Variants in DNAJC2 observed in about 807,000 individuals in gnomAD.
DNAJC2 encodes the protein DnaJ heat shock protein family (Hsp40) member C2.
In DNAJC2, 32 loss-of-function variants were observed where a neutral mutation model predicts 94.0. The ratio of observed to expected loss-of-function variants is 0.34; its 90% CI spans 0.26 to 0.46. The LOEUF (loss-of-function observed/expected upper bound fraction) is 0.46, where lower values mean the gene tolerates loss of function less well. Among genes scored for constraint, DNAJC2 ranks in the 20% least tolerant of loss-of-function variants. The pLI, the probability that DNAJC2 is intolerant of heterozygous loss-of-function variation, is 1.00. For synonymous variants in DNAJC2, 210 were observed against 229.7 expected, an observed-to-expected ratio of 0.91 and a Z score of 0.77; for missense variants, 550 against 719.5, an observed-to-expected ratio of 0.76 and a Z score of 2.69.
At position 103,312,480 on chromosome 7, in the gene DNAJC2, C is replaced by A; in HGVS notation, c.*89G>T. On this transcript the variant is annotated 3_prime_UTR_variant, in exon 17 of 17. Coordinates refer to ENST00000379263, the MANE Select transcript of DNAJC2 (RefSeq NM_014377.3). Reference sequence around the variant, plus strand: ...AATTATGTTGGAAGCAGCATACTTTCAAATTATTACCATGAGTATAATTTT... The same window carrying A: ...AATTATGTTGGAAGCAGCATACTTTAAAATTATTACCATGAGTATAATTTT... 6.4e-7 allele frequency: 1 copy of A among 1,556,040 alleles called. No individual in the cohort carries two copies. Among genetic ancestry groups the A allele is most frequent in the Non-Finnish European group, 8.6e-7 (1 of 1,157,056 alleles).
At chr7:103,341,373 T>C (rs950362273) in intron 2 of DNAJC2, among the ~76,000 whole-genome samples, 9 of 152,228 alleles carry the variant, frequency 5.9e-5, no homozygotes, top group African/African-American at 2.2e-4. Context: ...TTAAAGACAC[T>C]AGATTTCTCA....
At position 103,315,870 on chromosome 7, in the gene DNAJC2, G is replaced by A; in HGVS notation, c.1530C>T (p.Asp510=). ...IGKAKSLQKL[D]PHQKDDINKK... ...TATTTATGTCATCTTTTTGATGAGGGTCTGAGAAATGAAAAAAATTTAATA... is the reference window on the plus strand; with the variant it reads ...TATTTATGTCATCTTTTTGATGAGGATCTGAGAAATGAAAAAAATTTAATA... Residue 510 remains aspartate (D), a splice_region_variant and synonymous_variant, in exon 15 of 17, where the codon GAC becomes GAT. Transcript: ENST00000379263. The A allele has an allele frequency of 6.2e-7, 1 of 1,605,422 alleles. No individual in the cohort carries two copies. The highest frequency in any genetic ancestry group is 8.5e-7 in the Non-Finnish European group (1 of 1,174,204).
At chr7:103,329,989 G>T (rs1055463818) in intron 3 of DNAJC2, among the ~76,000 whole-genome samples, 8 of 152,088 alleles carry the variant, frequency 5.3e-5, no homozygotes, top group African/African-American at 1.7e-4. Flanking sequence ...TTCACCCCTG[G>T]ATTTTAGGTA....
intron 3 of DNAJC2, among the ~76,000 whole-genome samples, chr7:103,330,381 C>T (rs543604472): frequency 1.2e-4 from 18 of 151,958 alleles, no homozygotes; most frequent in Non-Finnish European, 2.2e-4. Context: ...TTAACCTCCC[C>T]GGCTCAGGTG....
rs551520573 is a variant in DNAJC2 at position 103,322,453 on chromosome 7, G to A, written c.933+58C>T. 16 of 1,373,596 alleles carry A rather than the reference G, an allele frequency of 1.2e-5. No individual in the cohort carries two copies. In the African/African-American group the frequency reaches 1.9e-4, roughly 16 times the overall value. The allele number at this position is 1,373,596 out of a possible 1,614,324, so 85.1% of individuals were successfully genotyped here. A position where few individuals can be genotyped will look rare whatever the true frequency, so the allele number is the denominator to read the frequency against. On this transcript the variant is annotated intron_variant, in intron 9 of 16. Transcript: ENST00000379263. ...TTTAAAAAAAGATGTGAAGATTAAA[G>A]TGAAGATTAAAGATTTCATAAACAT... is the stretch of plus-strand genomic sequence containing the variant.
intron 3 of DNAJC2, among the ~76,000 whole-genome samples, chr7:103,331,663 T>G (rs149171207): frequency 1.3e-5 from 2 of 152,348 alleles, no homozygotes; most frequent in African/African-American, 4.8e-5. Context: ...GACCTCCAGT[T>G]CCATCTATAT....
At chr7:103,320,382 G>A (rs1457817485) in intron 10 of DNAJC2, among the ~76,000 whole-genome samples, 6 of 151,782 alleles carry the variant, frequency 4.0e-5, no homozygotes, top group East Asian at 1.9e-4. Context: ...CACCGCGCCC[G>A]GCTGTTTTTA....
intron 3 of DNAJC2, among the ~76,000 whole-genome samples, chr7:103,330,234 A>G (rs1818909436): frequency 6.7e-6 from 1 of 150,152 alleles, no homozygotes; most frequent in African/African-American, 2.4e-5. Flanking sequence ...GAGAAACTCT[A>G]TGTGTTCATG....
chr7:103,322,434 AAAAG>A (rs1019902103), intron 9 of DNAJC2, 73 bp downstream of exon 9: 1 of 1,311,818 alleles, frequency 7.6e-7, no homozygotes, highest in Non-Finnish European at 1.0e-6. Flanking sequence ...TTTTTTTAAA[AAAAG>A]ATGTGAAGAT....
At chr7:103,314,468 A>C in intron 15 of DNAJC2, 4 of 985,418 alleles carry the variant, frequency 4.1e-6, no homozygotes, top group Non-Finnish European at 4.8e-6. Context: ...CTCTCCTCAC[A>C]GAAAGCAGAC....
Position 103,316,928 on chromosome 7 carries a change from T to G in DNAJC2, c.1329A>C (p.Ser443=), listed in dbSNP as rs770602331. 1.3e-5 allele frequency: 21 copies of G among 1,613,992 alleles called. No individual in the cohort carries two copies. Among genetic ancestry groups the G allele is most frequent in the Non-Finnish European group, 1.8e-5 (21 of 1,180,008 alleles). The change falls in exon 13 of 17, where the codon TCA becomes TCC. Residue 443 remains serine, a synonymous_variant. Transcript: ENST00000379263. The stretch of plus-strand genomic sequence containing the variant: ...TACTTCCATTTCCACCTCCACCAGT[T>G]GATTTCTCTGTGTTCTTAGATGCTT... ...MRQASKNTEK[S]TGGGGNGSKN...
intron 2 of DNAJC2, 126 bp downstream of exon 2, chr7:103,341,638 C>T: frequency 1.3e-6 from 1 of 757,136 alleles, no homozygotes; most frequent in Non-Finnish European, 2.1e-6. Context: ...TAGTAATAAA[C>T]AGATGCTAAA....
At chr7:103,331,396 TATACA>T (rs1452220833) in intron 3 of DNAJC2, among the ~76,000 whole-genome samples, 4 of 152,242 alleles carry the variant, frequency 2.6e-5, no homozygotes, top group African/African-American at 7.2e-5. Flanking sequence ...TATTTTGAAA[TATACA>T]ATACATCATT....
intron 2 of DNAJC2, among the ~76,000 whole-genome samples, chr7:103,340,609 C>T (rs747137774): frequency 2.8e-4 from 42 of 152,214 alleles, no homozygotes; most frequent in Non-Finnish European, 4.1e-4. Context: ...TATCTGGGAA[C>T]TTTCCCAAGG....
rs1272886231 is a variant in DNAJC2 at position 103,337,868 on chromosome 7, C to A, written c.256-57G>T. ...TGAAATGAAGCCAATATATTCCATCCCTTGTGTTCTGGTACCTTAATAAGC... is the reference window on the plus strand; with the variant it reads ...TGAAATGAAGCCAATATATTCCATCACTTGTGTTCTGGTACCTTAATAAGC... On this transcript the variant is annotated intron_variant, in intron 2 of 16. Transcript: ENST00000379263. 6 of 1,272,646 alleles carry A rather than the reference C, an allele frequency of 4.7e-6. No individual in the cohort carries two copies. The Admixed American group carries it at 9.0e-5, about 19-fold the overall frequency. The allele number at this position is 1,272,646 out of a possible 1,614,324, so 78.8% of individuals were successfully genotyped here.
At chr7:103,339,809 C>G (rs1819310361) in intron 2 of DNAJC2, among the ~76,000 whole-genome samples, 1 of 151,890 alleles carries the variant, frequency 6.6e-6, no homozygotes, top group Admixed American at 6.6e-5. Flanking sequence ...TGATTGACCT[C>G]TTTCTGAAGC....
chr7:103,320,216 G>A (rs1818307992), intron 10 of DNAJC2, among the ~76,000 whole-genome samples: 1 of 151,960 alleles, frequency 6.6e-6, no homozygotes, highest in Non-Finnish European at 1.5e-5. Context: ...AGTCTCCTGA[G>A]TAGCTGGAAT....
intron 2 of DNAJC2, among the ~76,000 whole-genome samples, chr7:103,338,732 A>G (rs2116042540): frequency 6.6e-6 from 1 of 151,628 alleles, no homozygotes; most frequent in African/African-American, 2.4e-5. Context: ...TAACATGGTG[A>G]AACCCTGTCT....
intron 4 of DNAJC2, chr7:103,327,278 T>C: frequency 9.6e-6 from 10 of 1,042,248 alleles, no homozygotes; most frequent in Non-Finnish European, 1.3e-5. Context: ...ATAAAGCATC[T>C]GAAACGAAAA....
Sources: allele counts gnomAD v4.1 joint callset (sites outside exome capture counted in the v4.1 genomes callset), GRCh38; gene constraint gnomAD v4.1.1; transcripts MANE v1.5; gene names NCBI Gene and HGNC (gene_info 2026-07-23, HGNC 2026-07-21).